Variants in GPR55 observed in about 807,000 individuals in gnomAD.
GPR55 encodes G-protein coupled receptor 55.
In GPR55, 6 loss-of-function variants were observed where a neutral mutation model predicts 7.9. The ratio of observed to expected loss-of-function variants is 0.76; its 90% CI spans 0.41 to 1.49. GPR55 has a LOEUF of 1.49. Ranked by LOEUF, GPR55 falls within the 40% of genes most tolerant of loss-of-function variation. The pLI is 0.01. For missense variants in GPR55, 376 were observed against 406.0 expected, an observed-to-expected ratio of 0.93 and a Z score of 0.63; for synonymous variants, 183 against 166.8, an observed-to-expected ratio of 1.10 and a Z score of -0.75.
chr2:230,946,271 G>A (rs1037464688), intron 1 of GPR55, among the ~76,000 whole-genome samples: 2 of 152,182 alleles, frequency 1.3e-5, no homozygotes, highest in Non-Finnish European at 1.5e-5. Context: ...AGAGGAATAC[G>A]TTCTGGAGAT....
At chr2:230,921,937 AC>A (rs1690847570) in intron 1 of GPR55, among the ~76,000 whole-genome samples, 1 of 152,204 alleles carries the variant, frequency 6.6e-6, no homozygotes, top group African/African-American at 2.4e-5. Flanking sequence ...ATAAGACTTC[AC>A]AGGGTCAGAA....
chr2:230,914,715 T>C (rs189763060), intron 1 of GPR55, among the ~76,000 whole-genome samples: 1 of 152,296 alleles, frequency 6.6e-6, no homozygotes, highest in East Asian at 1.9e-4. Context: ...TGTGGGGCCA[T>C]TCCATTAGCA....
At chr2:230,915,949 T>A (rs1690704130) in intron 1 of GPR55, among the ~76,000 whole-genome samples, 1 of 149,678 alleles carries the variant, frequency 6.7e-6, no homozygotes, top group African/African-American at 2.5e-5. Context: ...CTAAGAAGAG[T>A]GCAAGGATGA....
chr2:230,918,568 A>G (rs1416797520), intron 1 of GPR55, among the ~76,000 whole-genome samples: 1 of 152,222 alleles, frequency 6.6e-6, no homozygotes. Context: ...ATGAATTTCT[A>G]TTAAACTAAC....
intron 1 of GPR55, among the ~76,000 whole-genome samples, chr2:230,919,912 CA>C (rs1690796315): frequency 6.6e-6 from 1 of 151,264 alleles, no homozygotes; most frequent in Admixed American, 6.6e-5. Context: ...GTAAAAACCC[CA>C]CAAACTATAG....
intron 1 of GPR55, among the ~76,000 whole-genome samples, chr2:230,933,711 C>G (rs966099309): frequency 6.6e-6 from 1 of 152,238 alleles, no homozygotes; most frequent in Non-Finnish European, 1.5e-5. Flanking sequence ...GCAGCAGCCC[C>G]TGCGCCGGCA....
At chr2:230,914,334 G>A (rs1005926460) in intron 1 of GPR55, among the ~76,000 whole-genome samples, 3 of 152,102 alleles carry the variant, frequency 2.0e-5, no homozygotes, top group Admixed American at 6.6e-5. Context: ...TTGAATTACC[G>A]ACAGACTTCA....
At chr2:230,958,375 A>T (rs1188387940) in intron 1 of GPR55, among the ~76,000 whole-genome samples, 2 of 152,164 alleles carry the variant, frequency 1.3e-5, no homozygotes, top group African/African-American at 2.4e-5. Flanking sequence ...TCAAGCATTT[A>T]TCCTCTGTGT....
chr2:230,941,274 G>A (rs1691229015), intron 1 of GPR55, among the ~76,000 whole-genome samples: 1 of 152,094 alleles, frequency 6.6e-6, no homozygotes, highest in African/African-American at 2.4e-5. Context: ...GCTGGCTGCT[G>A]GTGGCCAGCG....
intron 1 of GPR55, among the ~76,000 whole-genome samples, chr2:230,921,060 TA>T (rs1238629109): frequency 6.6e-6 from 1 of 152,146 alleles, no homozygotes; most frequent in African/African-American, 2.4e-5. Flanking sequence ...ATTTTTTTTT[TA>T]GTAAAAAGAA....
intron 1 of GPR55, among the ~76,000 whole-genome samples, chr2:230,917,748 G>A (rs1690748562): frequency 6.6e-6 from 1 of 152,098 alleles, no homozygotes; most frequent in Non-Finnish European, 1.5e-5. Context: ...CCAGGAGGTC[G>A]AGGCTGCAGT....
At position 230,924,262 on chromosome 2, in the gene GPR55, C is replaced by T. The variant is rs1438555132; in HGVS notation, c.-135+906G>A. On this transcript the variant is annotated intron_variant, in intron 1 of 1. Coordinates refer to ENST00000650999, the MANE Select transcript of GPR55 (RefSeq NM_005683.4). This position sits in a 1 kb window ranked among gnomAD's most constrained non-coding sequence, Gnocchi z 4.5. ...TCCACAGTGACTGGTGCTCCCTTTACAGCTGGGACAGCCGCTCAGAACCAA... is the reference window on the plus strand; with the variant it reads ...TCCACAGTGACTGGTGCTCCCTTTATAGCTGGGACAGCCGCTCAGAACCAA... 6.6e-6 allele frequency among the ~76,000 whole-genome samples: 1 copy of T among 152,196 alleles called. No homozygotes were observed. The highest frequency in any genetic ancestry group is 6.5e-5 in the Admixed American group (1 of 15,294).
intron 1 of GPR55, among the ~76,000 whole-genome samples, chr2:230,936,505 T>C (rs1691134577): frequency 6.6e-6 from 1 of 152,234 alleles, no homozygotes; most frequent in Non-Finnish European, 1.5e-5. Context: ...ACTATAAGTT[T>C]CCTGAGGTCT....
upstream of GPR55, among the ~76,000 whole-genome samples, chr2:230,927,858 G>A (rs1690969542): frequency 6.6e-6 from 1 of 152,358 alleles, no homozygotes; most frequent in African/African-American, 2.4e-5. Context: ...GCCCTCGTGG[G>A]GCATCCTTTC....
chr2:230,931,097 C>A (rs1319806571), intron 1 of GPR55, among the ~76,000 whole-genome samples: 1 of 152,136 alleles, frequency 6.6e-6, no homozygotes, highest in Non-Finnish European at 1.5e-5. Flanking sequence ...GTCCTGAGAG[C>A]CTTACCCCAC....
upstream of GPR55, among the ~76,000 whole-genome samples, chr2:230,926,682 C>CTTTTATTTTTT (rs1690948176): frequency 2.0e-5 from 2 of 100,942 alleles, no homozygotes; most frequent in African/African-American, 8.7e-5. Flanking sequence ...TGGCTACCTT[C>CTTTTATTTTTT]TTTTTTTTTT....
chr2:230,941,653 C>T (rs1193459755), intron 1 of GPR55, among the ~76,000 whole-genome samples: 1 of 152,122 alleles, frequency 6.6e-6, no homozygotes, highest in Non-Finnish European at 1.5e-5. Flanking sequence ...AGTCTCATCT[C>T]TGGCTCTGGG....
intron 1 of GPR55, among the ~76,000 whole-genome samples, chr2:230,941,551 C>T (rs1691233744): frequency 1.3e-5 from 2 of 152,168 alleles, no homozygotes; most frequent in Non-Finnish European, 2.9e-5. Context: ...CTGGGACCAC[C>T]ACCTACCACC....
chr2:230,945,503 GAC>G (rs1287257332), intron 1 of GPR55, among the ~76,000 whole-genome samples: 2 of 152,226 alleles, frequency 1.3e-5, no homozygotes, highest in African/African-American at 2.4e-5. Context: ...GCCATAAAAA[GAC>G]AGTTTTGACA....
Sources: allele counts gnomAD v4.1 joint callset (sites outside exome capture counted in the v4.1 genomes callset), GRCh38; gene constraint gnomAD v4.1.1; non-coding constraint Gnocchi (gnomAD v3.1); transcripts MANE v1.5; gene names NCBI Gene and HGNC (gene_info 2026-07-23, HGNC 2026-07-21).